The following KLHDC4 variants were observed in gnomAD, a reference collection of about 807,000 sequenced individuals.
The protein encoded by KLHDC4 is kelch domain containing 4, also known as kelch domain-containing protein 4.
In KLHDC4, 90 loss-of-function variants were observed where a neutral mutation model predicts 62.4. The ratio of observed to expected loss-of-function variants is 1.44; its 90% CI spans 1.22 to 1.72. KLHDC4 has a LOEUF of 1.72. KLHDC4 is among the 40% of genes most tolerant of loss of function. The pLI is 0.00. For synonymous variants in KLHDC4, 386 were observed against 284.4 expected (o/e 1.36, Z -3.59); for missense variants, 1,025 against 699.7 (o/e 1.47, Z -5.25).
intron 5 of KLHDC4, among the ~76,000 whole-genome samples, chr16:87,740,202 T>C (rs2042034234): frequency 6.6e-6 from 1 of 152,062 alleles, no homozygotes; most frequent in East Asian, 1.9e-4. Flanking sequence ...AAACTCTGAA[T>C]CTTCAAAGCC....
At chr16:87,725,078 TG>T (rs2039103002) in intron 7 of KLHDC4, among the ~76,000 whole-genome samples, 1 of 129,106 alleles carries the variant, frequency 7.7e-6, no homozygotes, top group Non-Finnish European at 1.6e-5. Context: ...GAAAGAAGAC[TG>T]GCCCCACACA....
At chr16:87,737,338 A>G (rs1243920171) in intron 5 of KLHDC4, among the ~76,000 whole-genome samples, 5 of 152,066 alleles carry the variant, frequency 3.3e-5, no homozygotes, top group African/African-American at 1.2e-4. Flanking sequence ...CTGTAATCCC[A>G]GCACTTTGGG....
intron 8 of KLHDC4, among the ~76,000 whole-genome samples, chr16:87,712,682 T>C (rs1174552814): frequency 6.6e-6 from 1 of 152,380 alleles, no homozygotes; most frequent in South Asian, 2.1e-4. Flanking sequence ...CCTGGGCCTT[T>C]TGACAGGCAA....
Position 87,726,785 on chromosome 16 carries a change from AGAC to A in KLHDC4, c.736_738del (p.Val246del), listed in dbSNP as rs767656710. ...CTTACCTGTTTCGAGTAGCCCCCAT[AGAC>A]GACGATGCCGCCCTGGGGAGTGACG... is the stretch of plus-strand genomic sequence containing the variant. On this transcript the variant is annotated inframe_deletion, in exon 7 of 12. Transcript: ENST00000270583. 1 of 1,590,248 alleles carries A rather than the reference AGAC, an allele frequency of 6.3e-7. No individual in the cohort carries two copies. The highest frequency in any genetic ancestry group is 8.5e-7 in the Non-Finnish European group (1 of 1,171,404).
At chr16:87,753,380 G>A (rs2044328971) in intron 4 of KLHDC4, among the ~76,000 whole-genome samples, 1 of 152,184 alleles carries the variant, frequency 6.6e-6, no homozygotes, top group African/African-American at 2.4e-5. Context: ...TCATTCACTA[G>A]AGACTGCAGA....
At chr16:87,747,687 G>C (rs914039911) in intron 5 of KLHDC4, 1 of 152,398 alleles carries the variant, frequency 6.6e-6, no homozygotes, top group Non-Finnish European at 1.5e-5. Context: ...CATTTGACTG[G>C]TTAACATTCC....
Position 87,758,837 on chromosome 16 carries a change from C to T in KLHDC4, c.192-2360G>A, listed in dbSNP as rs1422196221. On this transcript the variant is annotated intron_variant, in intron 2 of 11. Transcript: ENST00000270583. ...CTGGTTAGTGCTAATGGTTGCACAGCGACATGAAGTAATTCCACTGAACTG... is the reference window on the plus strand; with the variant it reads ...CTGGTTAGTGCTAATGGTTGCACAGTGACATGAAGTAATTCCACTGAACTG... 2.0e-5 allele frequency among the ~76,000 whole-genome samples: 3 copies of T among 152,270 alleles called. No homozygotes were observed. The East Asian group carries it at 5.8e-4, about 29-fold the overall frequency.
At chr16:87,710,302 A>G (rs886151596) in intron 9 of KLHDC4, 1 of 152,292 alleles carries the variant, frequency 6.6e-6, no homozygotes, top group African/African-American at 2.4e-5. Flanking sequence ...TCATTTTGTC[A>G]CAAAACGCTG....
chr16:87,738,357 G>GCACA (rs112406800), intron 5 of KLHDC4, among the ~76,000 whole-genome samples: 4,179 of 149,814 alleles, frequency 0.028, 179 homozygotes, highest in African/African-American at 0.093. Flanking sequence ...ACACGGACGT[G>GCACA]CACACACACA....
At chr16:87,712,340 A>G (rs1434664196) in intron 8 of KLHDC4, among the ~76,000 whole-genome samples, 1 of 151,570 alleles carries the variant, frequency 6.6e-6, no homozygotes, top group African/African-American at 2.4e-5. Context: ...TCACCCGCCC[A>G]TGCCCAGTGT....
At chr16:87,727,433 C>G (rs528004552) in intron 6 of KLHDC4, among the ~76,000 whole-genome samples, 1 of 152,192 alleles carries the variant, frequency 6.6e-6, no homozygotes, top group African/African-American at 2.4e-5. Flanking sequence ...AGCCTGGCAG[C>G]AAGGGTGGTA....
chr16:87,728,698 A>C (rs1277191476), intron 6 of KLHDC4, among the ~76,000 whole-genome samples: 1 of 152,170 alleles, frequency 6.6e-6, no homozygotes, highest in Non-Finnish European at 1.5e-5. Context: ...AATGAACATA[A>C]GGCTAGGCGC....
At chr16:87,721,741 G>T (rs1418061082) in intron 7 of KLHDC4, among the ~76,000 whole-genome samples, 1 of 152,236 alleles carries the variant, frequency 6.6e-6, no homozygotes, top group Non-Finnish European at 1.5e-5. Flanking sequence ...ATGCTCCACG[G>T]CCTCGCGGTA....
At chr16:87,713,855 G>T (rs773369402) in intron 8 of KLHDC4, among the ~76,000 whole-genome samples, 1 of 152,180 alleles carries the variant, frequency 6.6e-6, no homozygotes, top group Non-Finnish European at 1.5e-5. Context: ...AGAAAATTTT[G>T]ATTCTTAGAT....
chr16:87,742,606 G>C (rs2042396195), intron 5 of KLHDC4, among the ~76,000 whole-genome samples: 1 of 152,164 alleles, frequency 6.6e-6, no homozygotes, highest in East Asian at 1.9e-4. Flanking sequence ...TACAAGGAGA[G>C]GTTAGGGTAA....
In KLHDC4 at chr16:87,702,208, C is replaced by T. The variant is rs781676813; in HGVS notation, c.307G>A (p.Gly103Arg). The T allele has an allele frequency of 1.1e-4, 51 of 456,242 alleles. 1 individual carries two copies. The highest frequency in any genetic ancestry group is 7.9e-4 in the South Asian group (51 of 64,576). The allele number at this position is 456,242 out of a possible 1,614,324, so 28.3% of individuals were successfully genotyped here. Residue 103 changes from glycine to arginine, a missense_variant, in exon 1 of 1, where the codon GGG (glycine) becomes AGG (arginine). Physicochemically the swap from Gly to Arg is moderately radical, Grantham distance 125 (BLOSUM62 -2). Coordinates refer to the KLHDC4 transcript ENST00000446344. Reference sequence around the variant, plus strand: ...CCTTGACAACCCAAGGGCTGCCTCCCCTGACCATGACAGCCAACTCCTCCT... The same window carrying T: ...CCTTGACAACCCAAGGGCTGCCTCCTCTGACCATGACAGCCAACTCCTCCT...
chr16:87,730,639 G>C lies in KLHDC4; in HGVS notation c.512C>G (p.Thr171Arg). 6.2e-7 allele frequency: 1 copy of C among 1,612,114 alleles called. No individual in the cohort carries two copies. The highest frequency in any genetic ancestry group is 8.5e-7 in the Non-Finnish European group (1 of 1,179,384). The part of the protein sequence containing the change: ...ATKTWEQVKS[T>R]GGPSGRSGHR... ...TCCACTCCGACCCGAAGGACCGCCT[G>C]TTGATCTAAAATGAAATAAACAAAA... The change falls in exon 6 of 12, where the codon ACA becomes AGA. Residue 171 changes from threonine (T) to arginine (R), a missense_variant. Transcript: ENST00000270583.
chr16:87,730,615 C>A lies in KLHDC4; in HGVS notation c.536G>T (p.Gly179Val), dbSNP rs778318518. The A allele has an allele frequency of 3.1e-6, 5 of 1,613,154 alleles. No homozygotes were observed. Among genetic ancestry groups the A allele is most frequent in the Non-Finnish European group, 4.2e-6 (5 of 1,179,814 alleles). ...TCTCTTCCAGGCCACCATCCGATGT[C>A]CACTCCGACCCGAAGGACCGCCTGT... ...KSTGGPSGRS[G>V]HRMVAWKRQL... Residue 179 changes from glycine (G) to valine (V), a missense_variant, in exon 6 of 12, where the codon GGA becomes GTA. By Grantham distance (109) the Gly-to-Val change is moderately radical. Transcript: ENST00000270583.
intron 4 of KLHDC4, among the ~76,000 whole-genome samples, chr16:87,749,902 TAA>T (rs1163351178): frequency 6.6e-6 from 1 of 152,154 alleles, no homozygotes; most frequent in Non-Finnish European, 1.5e-5. Context: ...GAATGATTAA[TAA>T]AGACTCAGCA....
Sources: allele counts gnomAD v4.1 joint callset (sites outside exome capture counted in the v4.1 genomes callset), GRCh38; gene constraint gnomAD v4.1.1; transcripts MANE v1.5; gene names NCBI Gene and HGNC (gene_info 2026-07-23, HGNC 2026-07-21).